Variants in PEX14 observed in about 807,000 individuals in gnomAD.
The protein encoded by PEX14 is peroxisomal biogenesis factor 14, also known as peroxisomal membrane protein PEX14.
Under a neutral mutation model 49.5 loss-of-function variants are expected in PEX14, and 15 were observed. The observed-to-expected ratio is 0.30, with a 90% CI of 0.20 to 0.47. PEX14 has a LOEUF of 0.47. Ranked by LOEUF, PEX14 falls within the 20% of genes least tolerant of loss-of-function variation. PEX14 has a pLI of 1.00. For missense variants in PEX14, 398 were observed against 494.8 expected (o/e 0.80, Z 1.86); for synonymous variants, 210 against 212.7 (o/e 0.99, Z 0.11).
At chr1:10,489,270 C>T (rs562289171) in intron 1 of PEX14, among the ~76,000 whole-genome samples, 8 of 152,194 alleles carry the variant, frequency 5.3e-5, no homozygotes, top group South Asian at 2.1e-4. Flanking sequence ...CGTGAGCTAC[C>T]GTGCCTGGCC....
chr1:10,576,817 C>T (rs11588374), intron 3 of PEX14, among the ~76,000 whole-genome samples: 16,598 of 149,792 alleles, frequency 0.11, 1,008 homozygotes, highest in Non-Finnish European at 0.12. Context: ...GAGTGCGTGG[C>T]GCGATCTCAG....
chr1:10,616,372 C>T (rs777023621), intron 4 of PEX14, among the ~76,000 whole-genome samples: 6 of 152,190 alleles, frequency 3.9e-5, no homozygotes, highest in Non-Finnish European at 5.9e-5. Context: ...AACTTACAGG[C>T]ACAGGTGAGA....
In PEX14 at chr1:10,577,418, A is replaced by AAAAC. The variant is rs1553192572; in HGVS notation, c.170-21817_170-21816insCAAA. Among the ~76,000 whole-genome samples, 10 of 144,238 alleles carry AAAAC rather than the reference A, an allele frequency of 6.9e-5. 1 individual carries two copies. Among genetic ancestry groups the AAAAC allele is most frequent in the Admixed American group, 1.4e-4 (2 of 14,356 alleles). 94.6% of individuals were successfully genotyped at this position (144,238 alleles called of 152,430 possible). A position where few individuals can be genotyped will look rare whatever the true frequency, so the allele number is the denominator to read the frequency against. On this transcript the variant is annotated intron_variant, in intron 3 of 8. Transcript: ENST00000356607. ...TCTCAAAAAAAAAAAACCAAAAAAA[A>AAAAC]AAAACCAAAAAACAATTCTGAGAGT...
At chr1:10,501,536 C>T (rs1028053080) in intron 2 of PEX14, among the ~76,000 whole-genome samples, 3 of 152,044 alleles carry the variant, frequency 2.0e-5, no homozygotes, top group East Asian at 2.0e-4. Context: ...CTCCTGACCT[C>T]GTGATCCGCC....
At chr1:10,540,285 TAC>T (rs1328594148) in intron 3 of PEX14, among the ~76,000 whole-genome samples, 1 of 152,220 alleles carries the variant, frequency 6.6e-6, no homozygotes, top group African/African-American at 2.4e-5. Context: ...AGTAAATTCT[TAC>T]ACAGATTTCA....
rs780145242 is a variant in PEX14 at position 10,628,855 on chromosome 1, G to A, written c.678-676G>A. ...TGTTGGAGAGCTCTGTCTCTGAGCC[G>A]TTGCCAAGTGGACCTGACCTCCCAG... is the stretch of plus-strand genomic sequence containing the variant. On this transcript the variant is annotated intron_variant, in intron 8 of 8. Transcript: ENST00000356607. This position sits in a 1 kb window ranked among gnomAD's most constrained non-coding sequence, Gnocchi z 4.5. 7.2e-5 allele frequency among the ~76,000 whole-genome samples: 11 copies of A among 152,302 alleles called. No homozygotes were observed. The highest frequency in any genetic ancestry group is 7.4e-5 in the Non-Finnish European group (5 of 68,020).
At chr1:10,540,943 T>C (rs1246623047) in intron 3 of PEX14, among the ~76,000 whole-genome samples, 1 of 152,216 alleles carries the variant, frequency 6.6e-6, no homozygotes, top group Non-Finnish European at 1.5e-5. Flanking sequence ...CTCTGTTTGT[T>C]GGAGTCATTG....
chr1:10,615,135 G>A (rs935853116), intron 4 of PEX14, among the ~76,000 whole-genome samples: 1 of 152,160 alleles, frequency 6.6e-6, no homozygotes, highest in Non-Finnish European at 1.5e-5. Flanking sequence ...GGAAGGGAGT[G>A]GGGGAAGTCC....
In PEX14 at chr1:10,628,287, G is replaced by A. The variant is rs1011220032; in HGVS notation, c.677+924G>A. ...GTGTCCAGGAGCCACTCTGTCCTGG[G>A]AGCCGCAACTGTGGGCCATCCTCCT... On this transcript the variant is annotated intron_variant, in intron 8 of 8. Transcript: ENST00000356607. The surrounding 1 kb of genome is among the most constrained non-coding windows in gnomAD (Gnocchi z 4.5). Among the ~76,000 whole-genome samples the A allele has an allele frequency of 1.3e-5, 2 of 152,220 alleles. No homozygotes were observed. The highest frequency in any genetic ancestry group is 6.5e-5 in the Admixed American group (1 of 15,290).
chr1:10,548,421 A>G (rs1328921315), intron 3 of PEX14, among the ~76,000 whole-genome samples: 1 of 152,228 alleles, frequency 6.6e-6, no homozygotes, highest in Non-Finnish European at 1.5e-5. Flanking sequence ...AAGGTATAAC[A>G]TAAGGCAATC....
intron 4 of PEX14, among the ~76,000 whole-genome samples, chr1:10,612,585 G>A (rs1641304131): frequency 6.6e-6 from 1 of 152,172 alleles, no homozygotes; most frequent in Non-Finnish European, 1.5e-5. Context: ...GAGACGATCT[G>A]TTTCTGTTGC....
chr1:10,511,452 G>A (rs999155003), intron 2 of PEX14, among the ~76,000 whole-genome samples: 11 of 152,034 alleles, frequency 7.2e-5, no homozygotes, highest in African/African-American at 2.7e-4. Flanking sequence ...CTGATTGAGC[G>A]TGTCTCCCCT....
At chr1:10,588,407 A>G (rs1313068308) in intron 3 of PEX14, among the ~76,000 whole-genome samples, 1 of 152,140 alleles carries the variant, frequency 6.6e-6, no homozygotes, top group Non-Finnish European at 1.5e-5. Context: ...ACAGGGTGGC[A>G]GGAGTGGGAA....
chr1:10,615,393 C>T (rs1641383931), intron 4 of PEX14, among the ~76,000 whole-genome samples: 1 of 152,200 alleles, frequency 6.6e-6, no homozygotes, highest in African/African-American at 2.4e-5. Flanking sequence ...AAAGGAAATG[C>T]TGATGAAAAC....
intron 3 of PEX14, among the ~76,000 whole-genome samples, chr1:10,598,870 T>C (rs1243766140): frequency 1.5e-5 from 2 of 135,014 alleles, no homozygotes; most frequent in Non-Finnish European, 3.3e-5. Context: ...ATTGTTAGTT[T>C]TTTCCCCTCT....
At chr1:10,520,218 C>G (rs10779737) in intron 2 of PEX14, among the ~76,000 whole-genome samples, 82,581 of 147,800 alleles carry the variant, frequency 0.56, 23,357 homozygotes, top group African/African-American at 0.66. Context: ...GAGTGCAGTG[C>G]TGCGGTCATA....
At chr1:10,549,620 A>G (rs1287776194) in intron 3 of PEX14, among the ~76,000 whole-genome samples, 1 of 152,240 alleles carries the variant, frequency 6.6e-6, no homozygotes, top group African/African-American at 2.4e-5. Flanking sequence ...ATAAAGGTTA[A>G]GTATCTCCGA....
chr1:10,485,921 A>T (rs1193731412), intron 1 of PEX14, among the ~76,000 whole-genome samples: 2 of 148,542 alleles, frequency 1.3e-5, no homozygotes, highest in Non-Finnish European at 2.9e-5. Flanking sequence ...ACGCCTGGCT[A>T]ATTTTTTTGT....
In PEX14 at chr1:10,512,643, C is replaced by T. The variant is rs1641903973; in HGVS notation, c.84+17322C>T. ...TTATAATGAAAAAGAACAATATATT[C>T]AGATGCATAGGATCGTTTTTAAATG... On this transcript the variant is annotated intron_variant, in intron 2 of 8. Coordinates refer to ENST00000356607, the MANE Select transcript of PEX14 (RefSeq NM_004565.3). The surrounding 1 kb of genome is among the most constrained non-coding windows in gnomAD (Gnocchi z 4.6). Among the ~76,000 whole-genome samples the T allele has an allele frequency of 2.6e-5, 4 of 152,116 alleles. No individual in the cohort carries two copies. In the East Asian group the frequency reaches 7.7e-4, roughly 29 times the overall value.
Sources: gnomAD v4.1 joint callset for allele counts (sites outside exome capture counted in the v4.1 genomes callset) on GRCh38, gnomAD v4.1.1 for gene constraint, Gnocchi (gnomAD v3.1) non-coding constraint, MANE v1.5 for transcripts, NCBI Gene and HGNC (gene_info 2026-07-23, HGNC 2026-07-21) for gene names.